Variants in TRMT2B observed in about 807,000 individuals in gnomAD.
TRMT2B encodes the protein tRNA methyltransferase 2B.
A neutral mutation model predicts 39.7 loss-of-function variants in TRMT2B; 34 were observed. That is an observed-to-expected ratio of 0.86 (90% confidence interval 0.65 to 1.14). The LOEUF is 1.14. Among genes scored for constraint, TRMT2B ranks in the 50% most tolerant of loss-of-function variants. The pLI, the probability that TRMT2B is intolerant of heterozygous loss-of-function variation, is 0.00. For missense variants in TRMT2B, 318 were observed against 377.2 expected (o/e 0.84, Z 1.30); for synonymous variants, 132 against 137.3 (o/e 0.96, Z 0.27).
intron 4 of TRMT2B, among the ~76,000 whole-genome samples, chrX:101,039,437 T>A (rs1433342450): frequency 8.9e-6 from 1 of 112,037 alleles, no homozygotes; most frequent in Admixed American, 9.6e-5. Flanking sequence ...ACGTAAGTGT[T>A]CCTATATCAC....
intron 10 of TRMT2B, 40 bp downstream of exon 10, chrX:101,021,061 G>A (rs1193626742): frequency 1.7e-6 from 2 of 1,162,376 alleles, no homozygotes; most frequent in East Asian, 3.0e-5. Context: ...GGCCTTGGGA[G>A]CTGAGCAGCA....
At chrX:101,051,084 C>CAA (rs36049036) in intron 2 of TRMT2B, among the ~76,000 whole-genome samples, 167 bp downstream of exon 2, 13,588 of 75,004 alleles carry the variant, frequency 0.18, 1,012 homozygotes, top group Non-Finnish European at 0.22. Flanking sequence ...TTTTCCTCAG[C>CAA]AAAAAAAAAA....
chrX:101,029,293 G>A (rs2087306931), intron 7 of TRMT2B, among the ~76,000 whole-genome samples: 1 of 111,167 alleles, frequency 9.0e-6, no homozygotes, highest in Non-Finnish European at 1.9e-5. Context: ...CAGCACTACT[G>A]ACATTTGGGG....
the TRMT2B span, among the ~76,000 whole-genome samples, chrX:100,988,022 A>G: frequency 2.2e-4 from 25 of 112,007 alleles, no homozygotes; most frequent in Admixed American, 2.4e-3. Context: ...AGAAAAAGAA[A>G]ATAGGAGGTG....
chrX:100,981,246 A>G, the TRMT2B span, among the ~76,000 whole-genome samples: 1 of 112,088 alleles, frequency 8.9e-6, no homozygotes, highest in African/African-American at 3.2e-5. Context: ...TCAGGTTCCA[A>G]CTGTTGGAAT....
At chrX:101,041,026 A>G (rs2088199829) in intron 4 of TRMT2B, among the ~76,000 whole-genome samples, 1 of 110,933 alleles carries the variant, frequency 9.0e-6, no homozygotes, top group Admixed American at 9.8e-5. Context: ...CCTGGCCAAC[A>G]TGGCCTATCT....
In TRMT2B at chrX:101,019,336, C is replaced by T. The variant is rs2148008770; in HGVS notation, c.1236G>A (p.Lys412=). ...EKILPGLLKS[K]EDGQSIVAVV... ...CAGCAACAATTGACTGTCCATCTTCCTTTGACTTTAGCAGCCCTGGCAAAA... is the reference window on the plus strand; with the variant it reads ...CAGCAACAATTGACTGTCCATCTTCTTTTGACTTTAGCAGCCCTGGCAAAA... Residue 412 remains lysine, a synonymous_variant, in exon 12 of 14, where the codon AAG becomes AAA. Coordinates refer to ENST00000372936, the MANE Select transcript of TRMT2B (RefSeq NM_024917.6). The T allele has an allele frequency of 8.3e-7, 1 of 1,211,662 alleles. No individual in the cohort carries two copies. Among genetic ancestry groups the T allele is most frequent in the South Asian group, 1.8e-5 (1 of 57,002 alleles).
At chrX:100,993,013 T>A in the TRMT2B span, among the ~76,000 whole-genome samples, 1 of 112,111 alleles carries the variant, frequency 8.9e-6, no homozygotes, top group East Asian at 2.8e-4. Context: ...CTGTAGATGG[T>A]TGCATCATTT....
At chrX:100,992,238 C>T in the TRMT2B span, among the ~76,000 whole-genome samples, 3 of 110,658 alleles carry the variant, frequency 2.7e-5, no homozygotes, top group East Asian at 2.8e-4. Context: ...AATTCAATCC[C>T]GATCTTTCTG....
At position 101,023,541 on chromosome X, in the gene TRMT2B, G is replaced by A. The variant is rs1239740636; in HGVS notation, c.685C>T (p.Leu229Phe). 1 of 1,208,819 alleles carries A rather than the reference G, an allele frequency of 8.3e-7. No homozygotes were observed. The highest frequency in any genetic ancestry group is 1.1e-6 in the Non-Finnish European group (1 of 894,113). The part of the protein sequence containing the change: ...VFHEGGYWRE[L>F]TVRTNSQGHT... The stretch of plus-strand genomic sequence containing the variant: ...CCTTGGCTATTGGTGCGGACTGTGA[G>A]CTCACGCCAGTATCCACCTTCATGA... The change falls in exon 8 of 14, where the codon CTC (leucine) becomes TTC (phenylalanine). Residue 229 changes from leucine to phenylalanine, a missense_variant. Transcript: ENST00000372936.
the TRMT2B span, among the ~76,000 whole-genome samples, chrX:100,973,439 G>C: frequency 9.3e-6 from 1 of 106,963 alleles, no homozygotes. Flanking sequence ...GCTCGCCGGC[G>C]CGGCGGCAAA....
intron 2 of TRMT2B, among the ~76,000 whole-genome samples, chrX:101,047,496 T>C (rs189553352): frequency 2.6e-3 from 289 of 111,546 alleles, no homozygotes; most frequent in African/African-American, 8.8e-3. Flanking sequence ...ATGTTATGTC[T>C]ACATTGCTGT....
chrX:101,018,442 CTT>C (rs1171655035), intron 13 of TRMT2B, among the ~76,000 whole-genome samples: 2 of 100,279 alleles, frequency 2.0e-5, no homozygotes, highest in African/African-American at 3.6e-5. Context: ...ATTTTTAACA[CTT>C]TTTTTTTTTT....
intron 11 of TRMT2B, among the ~76,000 whole-genome samples, chrX:101,019,715 C>G (rs949834680): frequency 9.2e-6 from 1 of 108,311 alleles, no homozygotes; most frequent in African/African-American, 3.4e-5. Flanking sequence ...CACACTGCAA[C>G]CTCCACCTCC....
In TRMT2B at chrX:101,009,718, G is replaced by T. The variant is rs2086175333; in HGVS notation, c.*863C>A. The T allele has an allele frequency of 9.9e-6, 1 of 100,936 alleles. No individual in the cohort carries two copies. Among genetic ancestry groups the T allele is most frequent in the African/African-American group, 3.6e-5 (1 of 27,609 alleles). The allele number at this position is 100,936 out of a possible 1,213,427, so 8.3% of individuals were successfully genotyped here. A position where few individuals can be genotyped will look rare whatever the true frequency, so the allele number is the denominator to read the frequency against. On this transcript the variant is annotated 3_prime_UTR_variant, in exon 14 of 14. Coordinates refer to ENST00000372936, the MANE Select transcript of TRMT2B (RefSeq NM_024917.6). ...ACCAGGGAAAACTACATTTTCAAGG[G>T]GCATTCGAGATGCCTTAAAACCAAG...
At chrX:101,044,839 CAAAA>C (rs753968399) in intron 2 of TRMT2B, among the ~76,000 whole-genome samples, 1 of 31,049 alleles carries the variant, frequency 3.2e-5, no homozygotes, top group Non-Finnish European at 5.6e-5. Context: ...AACTCGGTCT[CAAAA>C]AAAAAAAAAA....
At chrX:101,018,431 G>A (rs1391557302) in intron 13 of TRMT2B, among the ~76,000 whole-genome samples, 2 of 108,409 alleles carry the variant, frequency 1.8e-5, no homozygotes, top group Non-Finnish European at 3.8e-5. Context: ...TGATTGCTGA[G>A]ATTTTTAACA....
In TRMT2B at chrX:101,042,165, A is replaced by C. The variant is rs762597927; in HGVS notation, c.125T>G (p.Leu42Arg). The change falls in exon 3 of 14, where the codon CTC becomes CGC. Residue 42 changes from leucine to arginine, a missense_variant. Leu to Arg is a moderately radical substitution (Grantham distance 102). Transcript: ENST00000372936. ...YARNPPGWSQ[L>R]FLGTVCKGDF... is the part of the protein sequence containing the mutation. ...TCCCTTACATACTGTGCCCAGAAAGAGCTGTGACCATCCTGGTGGATTTCT... is the reference window on the plus strand; with the variant it reads ...TCCCTTACATACTGTGCCCAGAAAGCGCTGTGACCATCCTGGTGGATTTCT... 2.3e-5 allele frequency: 28 copies of C among 1,212,211 alleles called. No individual in the cohort carries two copies. The highest frequency in any genetic ancestry group is 3.1e-5 in the Non-Finnish European group (28 of 895,635).
intron 7 of TRMT2B, among the ~76,000 whole-genome samples, chrX:101,033,701 C>CTAT (rs1275742332): frequency 9.0e-6 from 1 of 111,496 alleles, no homozygotes; most frequent in Non-Finnish European, 1.9e-5. Flanking sequence ...ATACATTATA[C>CTAT]TATTAATATG....
Sources: gnomAD v4.1 joint callset for allele counts (sites outside exome capture counted in the v4.1 genomes callset) on GRCh38, gnomAD v4.1.1 for gene constraint, MANE v1.5 for transcripts, NCBI Gene and HGNC (gene_info 2026-07-23, HGNC 2026-07-21) for gene names.